TRAK2: variants seen among roughly 807,000 people sequenced by gnomAD.
TRAK2 encodes trafficking kinesin protein 2.
A neutral mutation model predicts 104.6 loss-of-function variants in TRAK2; 81 were observed. The ratio of observed to expected loss-of-function variants is 0.77; its 90% CI spans 0.65 to 0.93. The LOEUF is 0.93. TRAK2 is among the 40% of genes least tolerant of loss of function. TRAK2 has a pLI of 0.00. For synonymous variants in TRAK2, 406 were observed against 394.4 expected (o/e 1.03, Z -0.35); for missense variants, 1,002 against 1,089.0 (o/e 0.92, Z 1.12).
rs1292309739 is a variant in TRAK2 at position 201,402,761 on chromosome 2, G to GA, written c.287-1668dup. ...ATATCCATGCTCTAAACTAATTACA[G>GA]AAAACCAGACAATGGTTGTAAACCC... On this transcript the variant is annotated intron_variant, in intron 3 of 15. Coordinates refer to ENST00000332624, the MANE Select transcript of TRAK2 (RefSeq NM_015049.3). 1.1e-4 allele frequency among the ~76,000 whole-genome samples: 16 copies of GA among 152,090 alleles called. 1 individual carries two copies. The highest frequency in any genetic ancestry group is 3.1e-4 in the African/African-American group (13 of 41,428).
intron 1 of TRAK2, among the ~76,000 whole-genome samples, chr2:201,429,661 T>C (rs1222542222): frequency 6.6e-6 from 1 of 152,258 alleles, no homozygotes; most frequent in East Asian, 1.9e-4. Flanking sequence ...AATTGGCTAC[T>C]GAAGCTTGCG....
chr2:201,379,124 A>C lies in TRAK2; in HGVS notation c.*1419T>G, dbSNP rs1027679801. Reference sequence around the variant, plus strand: ...TTTCTCTATCATGTCTTTTGTATAAAGACATTTCTTTCTGAACTGCGTGCT... The same window carrying C: ...TTTCTCTATCATGTCTTTTGTATAACGACATTTCTTTCTGAACTGCGTGCT... On this transcript the variant is annotated 3_prime_UTR_variant, in exon 16 of 16. Coordinates refer to ENST00000332624, the MANE Select transcript of TRAK2 (RefSeq NM_015049.3). 1 of 152,230 alleles carries C rather than the reference A, an allele frequency of 6.6e-6. No homozygotes were observed. Among genetic ancestry groups the C allele is most frequent in the Non-Finnish European group, 1.5e-5 (1 of 68,034 alleles). The allele number at this position is 152,230 out of a possible 1,614,324, so 9.4% of individuals were successfully genotyped here. A position where few individuals can be genotyped will look rare whatever the true frequency, so the allele number is the denominator to read the frequency against.
At chr2:201,412,075 C>T in intron 2 of TRAK2, 1 of 1,127,466 alleles carries the variant, frequency 8.9e-7, no homozygotes, top group Non-Finnish European at 1.4e-6. Context: ...GCTGCTTAAA[C>T]ACAGGGCCAA....
intron 1 of TRAK2, among the ~76,000 whole-genome samples, chr2:201,424,524 G>C (rs1000617126): frequency 6.6e-6 from 1 of 151,942 alleles, no homozygotes; most frequent in African/African-American, 2.4e-5. Flanking sequence ...GTGTATAACA[G>C]GCTATCTAGT....
intron 12 of TRAK2, 140 bp downstream of exon 12, chr2:201,389,160 A>T (rs913737303): frequency 7.3e-6 from 6 of 822,114 alleles, no homozygotes; most frequent in Middle Eastern, 3.1e-4. Flanking sequence ...GAATAATGAT[A>T]CAAGGCATCA....
At chr2:201,445,959 G>A (rs1262596405) in intron 1 of TRAK2, among the ~76,000 whole-genome samples, 1 of 152,154 alleles carries the variant, frequency 6.6e-6, no homozygotes, top group African/African-American at 2.4e-5. Flanking sequence ...TTTTAATAAA[G>A]GTATAAACTA....
In TRAK2 at chr2:201,419,068, C is replaced by T. The variant is rs114418319; in HGVS notation, c.91+1349G>A. 3.3e-3 allele frequency: 499 copies of T among 152,204 alleles called. 4 individuals are homozygous for T. The highest frequency in any genetic ancestry group is 0.011 in the African/African-American group (471 of 41,542). The allele number at this position is 152,204 out of a possible 1,614,324, so 9.4% of individuals were successfully genotyped here. A position where few individuals can be genotyped will look rare whatever the true frequency, so the allele number is the denominator to read the frequency against. On this transcript the variant is annotated intron_variant, in intron 2 of 15. Transcript: ENST00000332624. ...TTAATGGGCAAATGATTTGAATAAA[C>T]AACTCAAAATAAAATCTAGATATGG...
chr2:201,430,159 C>T (rs573908560), intron 1 of TRAK2, among the ~76,000 whole-genome samples: 168 of 152,296 alleles, frequency 1.1e-3, no homozygotes, highest in African/African-American at 3.5e-3. Flanking sequence ...TGCAGAACAG[C>T]CAATGTTGCT....
At chr2:201,417,870 A>C (rs1951707271) in intron 2 of TRAK2, among the ~76,000 whole-genome samples, 1 of 152,238 alleles carries the variant, frequency 6.6e-6, no homozygotes, top group African/African-American at 2.4e-5. Flanking sequence ...AAGTTGCAGA[A>C]TATATGGTCA....
At chr2:201,425,297 G>C (rs1951778196) in intron 1 of TRAK2, among the ~76,000 whole-genome samples, 2 of 152,178 alleles carry the variant, frequency 1.3e-5, no homozygotes, top group African/African-American at 4.8e-5. Flanking sequence ...CTTGTAATTA[G>C]ATCACTATTT....
At position 201,395,359 on chromosome 2, in the gene TRAK2, G is replaced by A. The variant is rs1257750475; in HGVS notation, c.855C>T (p.Ser285=). The A allele has an allele frequency of 2.5e-6, 4 of 1,604,502 alleles. No homozygotes were observed. The African/African-American group carries it at 4.0e-5, about 16-fold the overall frequency. The change falls in exon 8 of 16, where the codon TCC becomes TCT. Residue 285 remains serine, a synonymous_variant. Coordinates refer to ENST00000332624, the MANE Select transcript of TRAK2 (RefSeq NM_015049.3). The part of the protein sequence containing the change: ...DELIRYQEEL[S]SLLSQIVDLQ... ...GGTCTACAATCTGTGACAAAAGAGA[G>A]GAAAGCTCTTCTTGGTATCGAATCA...
At chr2:201,440,117 AAAAAG>A (rs1361501023) in intron 1 of TRAK2, among the ~76,000 whole-genome samples, 3 of 152,146 alleles carry the variant, frequency 2.0e-5, no homozygotes, top group Admixed American at 2.0e-4. Flanking sequence ...AAGAAAAAAG[AAAAAG>A]AAAATAACCC....
At chr2:201,394,943 AC>A in intron 8 of TRAK2, 71 bp from the exon 9 acceptor site, 1 of 1,306,716 alleles carries the variant, frequency 7.7e-7, no homozygotes, top group East Asian at 2.4e-5. Flanking sequence ...TCTTATAAAG[AC>A]ATGTGAAGAA....
At position 201,438,833 on chromosome 2, in the gene TRAK2, C is replaced by G. The variant is rs1167758720; in HGVS notation, c.-200+12517G>C. On this transcript the variant is annotated intron_variant, in intron 1 of 15. Transcript: ENST00000332624. Reference sequence around the variant, plus strand: ...AGAGTTGGGTGTATTTACAGTGAGGCAGAATAATCTGTGTGTGTGTTGTAT... The same window carrying G: ...AGAGTTGGGTGTATTTACAGTGAGGGAGAATAATCTGTGTGTGTGTTGTAT... Among the ~76,000 whole-genome samples the G allele has an allele frequency of 4.6e-5, 7 of 152,306 alleles. No individual in the cohort carries two copies. The East Asian group carries it at 1.4e-3, about 29-fold the overall frequency.
chr2:201,386,950 A>G (rs1227691071), intron 13 of TRAK2, among the ~76,000 whole-genome samples: 1 of 152,232 alleles, frequency 6.6e-6, no homozygotes, highest in Non-Finnish European at 1.5e-5. Context: ...GTTCCAGGCT[A>G]CAGAACCCTG....
chr2:201,397,714 A>G (rs143168586), intron 6 of TRAK2, 134 bp from the exon 7 acceptor site: 459 of 646,890 alleles, frequency 7.1e-4, no homozygotes, highest in Non-Finnish European at 1.1e-3. Flanking sequence ...CTGTTCATAC[A>G]TCTCTACCTG....
chr2:201,407,452 T>C lies in TRAK2; in HGVS notation c.237A>G (p.Ala79=), dbSNP rs1374808633. 6.2e-7 allele frequency: 1 copy of C among 1,614,126 alleles called. No homozygotes were observed. The part of the protein sequence containing the change: ...WTQSPHQRQH[A]SDALSPVLAE... ...CAAGGACTGGAGAGAGAGCATCAGA[T>C]GCATGCTGCCGCTGGTGTGGAGACT... The change falls in exon 3 of 16, where the codon GCA becomes GCG. Residue 79 remains alanine, a synonymous_variant. Transcript: ENST00000332624.
chr2:201,412,817 A>G, intron 2 of TRAK2: 1 of 956,320 alleles, frequency 1.0e-6, no homozygotes, highest in Admixed American at 1.8e-5. Context: ...TGCAAGAATG[A>G]CAATCCTTTA....
At chr2:201,425,428 T>C (rs1951779057) in intron 1 of TRAK2, among the ~76,000 whole-genome samples, 1 of 152,134 alleles carries the variant, frequency 6.6e-6, no homozygotes, top group Non-Finnish European at 1.5e-5. Flanking sequence ...TGAGATGGAG[T>C]TTCACTCTTG....
Sources: allele counts gnomAD v4.1 joint callset (sites outside exome capture counted in the v4.1 genomes callset), GRCh38; gene constraint gnomAD v4.1.1; transcripts MANE v1.5; gene names NCBI Gene and HGNC (gene_info 2026-07-23, HGNC 2026-07-21).